Variants in PTPN5 observed in about 807,000 individuals in gnomAD.
PTPN5 encodes the protein tyrosine-protein phosphatase non-receptor type 5.
PTPN5 carries 29 observed loss-of-function variants against 73.9 expected under a neutral mutation model. The observed-to-expected ratio is 0.39, with a 90% CI of 0.29 to 0.54. PTPN5 has a LOEUF of 0.54. Ranked by LOEUF, PTPN5 falls within the 20% of genes least tolerant of loss-of-function variation. The probability of loss-of-function intolerance (pLI) is 0.65; values close to 1 mark genes in which losing one functional copy is unlikely to be tolerated. For missense variants in PTPN5, 652 were observed against 751.4 expected, an observed-to-expected ratio of 0.87 and a Z score of 1.55; for synonymous variants, 267 against 304.7, an observed-to-expected ratio of 0.88 and a Z score of 1.29.
chr11:18,769,664 A>C (rs10766503), intron 2 of PTPN5, among the ~76,000 whole-genome samples: 42,355 of 152,154 alleles, frequency 0.28, 6,946 homozygotes, highest in Middle Eastern at 0.57. Context: ...TCAGCCTCCC[A>C]AAGTACTGGG....
At chr11:18,777,660 T>C (rs1851221364) in intron 1 of PTPN5, among the ~76,000 whole-genome samples, 1 of 151,856 alleles carries the variant, frequency 6.6e-6, no homozygotes, top group African/African-American at 2.4e-5. Flanking sequence ...AAAAGAATAA[T>C]GTAGGCCAGG....
At chr11:18,773,516 G>A (rs568538165) in intron 1 of PTPN5, among the ~76,000 whole-genome samples, 196 of 152,218 alleles carry the variant, frequency 1.3e-3, no homozygotes, top group African/African-American at 4.6e-3. Flanking sequence ...ACCCAGAGGG[G>A]CTCTTCAGTG....
intron 3 of PTPN5, among the ~76,000 whole-genome samples, chr11:18,748,970 G>A (rs1452339225): frequency 4.6e-5 from 7 of 152,156 alleles, no homozygotes; most frequent in Non-Finnish European, 7.3e-5. Context: ...TAGAAATGAC[G>A]TCAGCTCTTA....
intron 2 of PTPN5, among the ~76,000 whole-genome samples, chr11:18,768,441 G>T (rs1182637550): frequency 1.3e-5 from 2 of 152,012 alleles, no homozygotes; most frequent in Admixed American, 1.3e-4. Context: ...TTACCCTAAC[G>T]AGCACCTAGC....
At position 18,734,921 on chromosome 11, in the gene PTPN5, C is replaced by T. The variant is rs576045815; in HGVS notation, c.1001-1286G>A. Reference sequence around the variant, plus strand: ...TAGGGGAGTCATTAAGAGTCTACACCGCTGAGCCAGAGAGGCTAGGTTCAA... The same window carrying T: ...TAGGGGAGTCATTAAGAGTCTACACTGCTGAGCCAGAGAGGCTAGGTTCAA... On this transcript the variant is annotated intron_variant, in intron 9 of 14. Coordinates refer to ENST00000358540, the MANE Select transcript of PTPN5 (RefSeq NM_006906.2). Among the ~76,000 whole-genome samples, 7 of 152,286 alleles carry T rather than the reference C, an allele frequency of 4.6e-5. No individual in the cohort carries two copies. The South Asian group carries it at 6.2e-4, about 14-fold the overall frequency.
chr11:18,731,609 G>C (rs375323102), intron 12 of PTPN5, among the ~76,000 whole-genome samples: 5 of 152,216 alleles, frequency 3.3e-5, no homozygotes, highest in African/African-American at 1.2e-4. Flanking sequence ...TTACCTGGCT[G>C]TGACAGTGAC....
At chr11:18,761,121 G>C (rs961101424) in intron 3 of PTPN5, among the ~76,000 whole-genome samples, 5 of 152,226 alleles carry the variant, frequency 3.3e-5, no homozygotes, top group African/African-American at 1.2e-4. Context: ...GAGCAGGGGT[G>C]GTATACTGCG....
At chr11:18,730,192 G>A (rs1049484849) in intron 12 of PTPN5, 58 of 427,734 alleles carry the variant, frequency 1.4e-4, no homozygotes, top group Non-Finnish European at 2.2e-4. Context: ...ACTCTTCTTC[G>A]CCTCTTGCTG....
chr11:18,748,638 C>T (rs932706925), intron 3 of PTPN5, among the ~76,000 whole-genome samples: 4 of 151,830 alleles, frequency 2.6e-5, no homozygotes, highest in Admixed American at 6.6e-5. Context: ...CCCCTGATCT[C>T]GGGGGTGGGC....
intron 3 of PTPN5, among the ~76,000 whole-genome samples, chr11:18,760,699 G>A (rs901798022): frequency 1.3e-5 from 2 of 151,938 alleles, no homozygotes; most frequent in Admixed American, 6.5e-5. Flanking sequence ...CCAGCTGCCC[G>A]CAGGAAGGCT....
In PTPN5 at chr11:18,729,344, T is replaced by C; in HGVS notation, c.1604+109A>G. On this transcript the variant is annotated intron_variant, in intron 14 of 14. Coordinates refer to ENST00000358540, the MANE Select transcript of PTPN5 (RefSeq NM_006906.2). The surrounding 1 kb of genome is among the most constrained non-coding windows in gnomAD (Gnocchi z 5.2). ...TTGTCTGCCCATCAGTCCGTGCCAG[T>C]GTTTTCCATCTGCCCCTCACCCCCC... The C allele has an allele frequency of 1.5e-6, 1 of 666,502 alleles. No individual in the cohort carries two copies. The highest frequency in any genetic ancestry group is 2.7e-6 in the Non-Finnish European group (1 of 366,644). 41.3% of individuals were successfully genotyped at this position (666,502 alleles called of 1,614,324 possible).
chr11:18,730,837 C>G (rs1372337835), intron 12 of PTPN5: 8 of 152,236 alleles, frequency 5.3e-5, no homozygotes, highest in African/African-American at 1.9e-4. Context: ...AGGGCCTGCC[C>G]TTCCAGACAC....
rs773490900 is a variant in PTPN5 at position 18,746,162 on chromosome 11, A to AATATATATATATATATATAT, written c.98-1983_98-1964dup. Among the ~76,000 whole-genome samples, 56 of 67,646 alleles carry AATATATATATATATATATAT rather than the reference A, an allele frequency of 8.3e-4. 1 individual carries two copies. The highest frequency in any genetic ancestry group is 1.2e-3 in the Admixed American group (5 of 4,074). 44.4% of individuals were successfully genotyped at this position (67,646 alleles called of 152,430 possible). ...ACTTTGAAAAGCTGTTATAAATATAAATATATATATATATATATATATATA... is the reference window on the plus strand; with the variant it reads ...ACTTTGAAAAGCTGTTATAAATATAAATATATATATATATATATATATATATATATATATATATATATATA... On this transcript the variant is annotated intron_variant, in intron 3 of 14. Transcript: ENST00000358540.
chr11:18,754,286 G>T (rs1218419125), intron 3 of PTPN5, among the ~76,000 whole-genome samples: 1 of 152,238 alleles, frequency 6.6e-6, no homozygotes, highest in Non-Finnish European at 1.5e-5. Flanking sequence ...GGAACTGGGA[G>T]AGCTGGAGAG....
rs560245131 is a variant in PTPN5, at chr11:18,745,660, T to TATC, written c.98-1464_98-1462dup. Among the ~76,000 whole-genome samples the TATC allele has an allele frequency of 6.1e-3, 931 of 152,250 alleles. 4 individuals carry two copies. Among genetic ancestry groups the TATC allele is most frequent in the Non-Finnish European group, 0.011 (721 of 68,020 alleles). On this transcript the variant is annotated intron_variant, in intron 3 of 14. Transcript: ENST00000358540. ...ACGAGCACCCCATGCCTCTCTTTCA[T>TATC]ATCATCATCATCATCAGCAGCAGCA... is the stretch of plus-strand genomic sequence containing the variant.
intron 2 of PTPN5, among the ~76,000 whole-genome samples, chr11:18,768,637 T>C (rs1310356894): frequency 6.6e-6 from 1 of 152,154 alleles, no homozygotes; most frequent in Admixed American, 6.6e-5. Flanking sequence ...ATAAGCTTCC[T>C]AGAAAATGAC....
chr11:18,784,894 C>T (rs560735674), intron 1 of PTPN5, among the ~76,000 whole-genome samples: 1 of 152,122 alleles, frequency 6.6e-6, no homozygotes, highest in Non-Finnish European at 1.5e-5. Flanking sequence ...CACTCTGTCA[C>T]CCAGGCTGGA....
At chr11:18,786,777 G>A (rs908015885) in intron 1 of PTPN5, among the ~76,000 whole-genome samples, 4 of 152,104 alleles carry the variant, frequency 2.6e-5, no homozygotes, top group African/African-American at 9.7e-5. Context: ...ATCTCCACCT[G>A]TAGATCCATT....
rs1256620925 is a variant in PTPN5, at chr11:18,743,306, C to T, written c.399+16G>A. ...ACAGATCCCTGCTACCCTAGGACTC[C>T]CCAAAGCTTACTTACCGTGGGTTCC... On this transcript the variant is annotated intron_variant, in intron 5 of 14. Coordinates refer to ENST00000358540, the MANE Select transcript of PTPN5 (RefSeq NM_006906.2). 6.2e-7 allele frequency: 1 copy of T among 1,613,162 alleles called. No homozygotes were observed. The highest frequency in any genetic ancestry group is 1.3e-5 in the African/African-American group (1 of 74,994).
Sources: allele counts gnomAD v4.1 joint callset (sites outside exome capture counted in the v4.1 genomes callset), GRCh38; gene constraint gnomAD v4.1.1; non-coding constraint Gnocchi (gnomAD v3.1); transcripts MANE v1.5; gene names NCBI Gene and HGNC (gene_info 2026-07-23, HGNC 2026-07-21).